Variants in TANC2 observed in about 807,000 individuals in gnomAD.
The protein encoded by TANC2 is tetratricopeptide repeat, ankyrin repeat and coiled-coil containing 2, also known as protein TANC2.
A neutral mutation model predicts 210.5 loss-of-function variants in TANC2; 26 were observed. The observed-to-expected ratio is 0.12, with a 90% CI of 0.09 to 0.17. TANC2 has a LOEUF of 0.17. TANC2 is among the 10% of genes least tolerant of loss of function. The pLI is 1.00. For synonymous variants in TANC2, 931 were observed against 967.1 expected, an observed-to-expected ratio of 0.96 and a Z score of 0.69; for missense variants, 2,129 against 2,608.9, an observed-to-expected ratio of 0.82 and a Z score of 4.01.
At chr17:63,139,565 C>T (rs903683804) in intron 4 of TANC2, among the ~76,000 whole-genome samples, 22 of 152,108 alleles carry the variant, frequency 1.4e-4, no homozygotes, top group Non-Finnish European at 2.6e-4. Flanking sequence ...AAAATCATAC[C>T]ACTGCATTCT....
chr17:63,361,809 G>A (rs2046965980), intron 14 of TANC2, among the ~76,000 whole-genome samples: 1 of 152,232 alleles, frequency 6.6e-6, no homozygotes, highest in Admixed American at 6.5e-5. Flanking sequence ...AGTGAGCAAT[G>A]CAGAGAGGAG....
In TANC2 at chr17:63,337,440, T is replaced by G. The variant is rs2046069313; in HGVS notation, c.1576-2661T>G. ...CTTGAACTCTATTAATTCTAATAGC[T>G]TGTTTTTCTCTATATAGATAACTAT... is the stretch of plus-strand genomic sequence containing the variant. On this transcript the variant is annotated intron_variant, in intron 11 of 27. Transcript: ENST00000689528. Among the ~76,000 whole-genome samples the G allele has an allele frequency of 1.3e-5, 2 of 151,990 alleles. 1 individual carries two copies. The highest frequency in any genetic ancestry group is 4.2e-4 in the South Asian group (2 of 4,792).
At chr17:63,017,458 T>C (rs1021409498) in intron 2 of TANC2, among the ~76,000 whole-genome samples, 1 of 152,244 alleles carries the variant, frequency 6.6e-6, no homozygotes, top group Non-Finnish European at 1.5e-5. Flanking sequence ...TTCACTGTTC[T>C]GTTGTATAGG....
Position 63,010,341 on chromosome 17 carries a change from C to G in TANC2, c.67+715C>G, listed in dbSNP as rs115908578. 3.7e-3 allele frequency among the ~76,000 whole-genome samples: 570 copies of G among 152,224 alleles called. 2 individuals carry two copies. Among genetic ancestry groups the G allele is most frequent in the African/African-American group, 0.013 (521 of 41,546 alleles). On this transcript the variant is annotated intron_variant, in intron 2 of 27. Coordinates refer to ENST00000689528, the Ensembl canonical transcript of TANC2. ...TATTTGGAAGTGTATTTACCAGTTT[C>G]CAAACTGTTGCTGATTTTTTGTTTA...
At chr17:63,288,008 G>A (rs1268158799) in intron 9 of TANC2, among the ~76,000 whole-genome samples, 5 of 152,134 alleles carry the variant, frequency 3.3e-5, no homozygotes, top group Non-Finnish European at 1.5e-5. Flanking sequence ...ATTCTGGCTG[G>A]TAGGAACAGG....
chr17:62,984,909 A>G (rs2032493062), intron 1 of TANC2, among the ~76,000 whole-genome samples: 1 of 152,184 alleles, frequency 6.6e-6, no homozygotes, highest in African/African-American at 2.4e-5. Context: ...GTGCTGTTGA[A>G]AAGAATGTGT....
intron 2 of TANC2, among the ~76,000 whole-genome samples, chr17:63,058,200 T>C (rs944896930): frequency 1.3e-5 from 2 of 152,338 alleles, no homozygotes; most frequent in South Asian, 2.1e-4. Context: ...AGCTTTTTTT[T>C]CCAAAAGCTT....
intron 15 of TANC2, chr17:63,388,153 G>T (rs1032931552): frequency 6.6e-6 from 1 of 152,502 alleles, no homozygotes; most frequent in South Asian, 2.1e-4. Flanking sequence ...GCCAAGCCTG[G>T]ACATGACATA....
exon 4 of TANC2, chr17:63,099,250 T>A (rs1297911928): frequency 1.2e-6 from 2 of 1,609,066 alleles, no homozygotes; most frequent in African/African-American, 2.7e-5. Context: ...AGTGAAGGTA[T>A]GCAGCACATT....
At chr17:62,978,335 T>TG in intron 1 of TANC2, among the ~76,000 whole-genome samples, 2 of 152,344 alleles carry the variant, frequency 1.3e-5, no homozygotes, top group East Asian at 3.9e-4. Flanking sequence ...TCTCTTTTTT[T>TG]GGGGAGAGTT....
chr17:63,214,858 G>A (rs1272476740), intron 7 of TANC2, among the ~76,000 whole-genome samples: 1 of 152,160 alleles, frequency 6.6e-6, no homozygotes, highest in Non-Finnish European at 1.5e-5. Context: ...TGAGTATCTG[G>A]TCTCACCCTG....
At chr17:63,302,133 T>G (rs766351251) in intron 9 of TANC2, among the ~76,000 whole-genome samples, 1 of 152,114 alleles carries the variant, frequency 6.6e-6, no homozygotes, top group Non-Finnish European at 1.5e-5. Flanking sequence ...TGCACTGTGG[T>G]CTGAGAAACT....
intron 1 of TANC2, among the ~76,000 whole-genome samples, chr17:62,974,724 C>G (rs1241133451): frequency 1.3e-5 from 2 of 152,126 alleles, no homozygotes; most frequent in African/African-American, 4.8e-5. Flanking sequence ...ATGTACCATA[C>G]TATTAATATT....
chr17:63,355,889 C>T lies in TANC2; in HGVS notation c.2582+499C>T, dbSNP rs147312219. On this transcript the variant is annotated intron_variant, in intron 14 of 27. Transcript: ENST00000689528. Reference sequence around the variant, plus strand: ...ACTAGAAAATACAATCTTAAACCTCCTAGCTGAAAAAGATTTGAAGAGATC... The same window carrying T: ...ACTAGAAAATACAATCTTAAACCTCTTAGCTGAAAAAGATTTGAAGAGATC... 4.1e-3 allele frequency among the ~76,000 whole-genome samples: 631 copies of T among 152,272 alleles called. 2 individuals carry two copies. Among genetic ancestry groups the T allele is most frequent in the Non-Finnish European group, 7.6e-3 (514 of 68,016 alleles).
rs940397062 is a variant in TANC2 at position 63,370,751 on chromosome 17, G to A, written c.2583-8967G>A. The stretch of plus-strand genomic sequence containing the variant: ...CATCTTTCACACACTGCTTCCCAGC[G>A]TAATTGTTGTTTTCATCAACTGGCA... On this transcript the variant is annotated intron_variant, in intron 14 of 27. Coordinates refer to ENST00000689528, the Ensembl canonical transcript of TANC2. 6.6e-5 allele frequency among the ~76,000 whole-genome samples: 10 copies of A among 152,308 alleles called. No individual in the cohort carries two copies. The East Asian group carries it at 7.7e-4, about 12-fold the overall frequency.
At chr17:63,358,371 G>GT (rs1567949661) in intron 14 of TANC2, among the ~76,000 whole-genome samples, 82 of 137,044 alleles carry the variant, frequency 6.0e-4, no homozygotes, top group African/African-American at 2.1e-3. Flanking sequence ...GAGAGAGAGA[G>GT]AGAGAGTATG....
chr17:63,089,430 A>G (rs2037098761), intron 3 of TANC2, among the ~76,000 whole-genome samples: 1 of 152,098 alleles, frequency 6.6e-6, no homozygotes, highest in Admixed American at 6.5e-5. Context: ...GTGCTGTGTG[A>G]ATTGAGGGGG....
chr17:63,266,907 T>C (rs1425653771), intron 8 of TANC2, among the ~76,000 whole-genome samples: 2 of 152,110 alleles, frequency 1.3e-5, no homozygotes, highest in African/African-American at 2.4e-5. Flanking sequence ...TGTAGTGCAA[T>C]GGCATGATCA....
intron 1 of TANC2, among the ~76,000 whole-genome samples, chr17:62,998,674 A>G (rs1169909837): frequency 1.3e-5 from 2 of 152,238 alleles, no homozygotes; most frequent in African/African-American, 4.8e-5. Context: ...GTGAAGGAGA[A>G]ATAAGATCCT....
Sources: allele counts gnomAD v4.1 joint callset (sites outside exome capture counted in the v4.1 genomes callset), GRCh38; gene constraint gnomAD v4.1.1; transcripts MANE v1.5; gene names NCBI Gene and HGNC (gene_info 2026-07-23, HGNC 2026-07-21).